RPL26L1: variants seen among roughly 807,000 people sequenced by gnomAD.
The protein encoded by RPL26L1 is ribosomal protein L26 like 1.
A neutral mutation model predicts 15.2 loss-of-function variants in RPL26L1; 8 were observed. That is an observed-to-expected ratio of 0.53 (90% CI 0.31 to 0.95). RPL26L1 has a LOEUF of 0.95. RPL26L1 is among the 40% of genes least tolerant of loss of function. The pLI is 0.05. For synonymous variants in RPL26L1, 51 were observed against 65.9 expected (o/e 0.77, Z 1.09); for missense variants, 146 against 190.9 (o/e 0.76, Z 1.39).
upstream of RPL26L1, chr5:172,957,415 A>C: frequency 5.4e-6 from 2 of 372,068 alleles, no homozygotes; most frequent in Non-Finnish European, 1.1e-5. Context: ...CTGTCTTTAC[A>C]TGGCTTTCCT....
At chr5:172,968,338 C>G (rs1755549326) in intron 2 of RPL26L1, 121 bp from the exon 3 acceptor site, 2 of 1,303,004 alleles carry the variant, frequency 1.5e-6, no homozygotes, top group African/African-American at 3.0e-5. Context: ...TTTTTGACTG[C>G]CAGGATTAAG....
intron 2 of RPL26L1, among the ~76,000 whole-genome samples, chr5:172,968,177 G>GTA (rs1036665277): frequency 1.2e-4 from 18 of 151,476 alleles, no homozygotes; most frequent in East Asian, 5.8e-4. Context: ...ACATATATAT[G>GTA]TATATATATA....
upstream of RPL26L1, chr5:172,954,667 A>G (rs779204516): frequency 3.8e-5 from 10 of 261,676 alleles, no homozygotes; most frequent in Admixed American, 9.2e-5. Context: ...ACAACTGAAG[A>G]TTTTTGGTTG....
At chr5:172,961,526 C>G (rs534177557) in intron 2 of RPL26L1, among the ~76,000 whole-genome samples, 4 of 152,330 alleles carry the variant, frequency 2.6e-5, no homozygotes, top group African/African-American at 9.6e-5. Context: ...ACACTTTGTT[C>G]TCTATTCATA....
At chr5:172,959,256 C>CGCAGGCCCTA, upstream of RPL26L1, 1 of 412,054 alleles carries the variant, frequency 2.4e-6, no homozygotes, top group Non-Finnish European at 3.3e-6. Flanking sequence ...AAGCCTCTAC[C>CGCAGGCCCTA]GCAGGCCCTA....
In RPL26L1 at chr5:172,965,656, C is replaced by A. The variant is rs1451523646; in HGVS notation, c.169-2803C>A. Among the ~76,000 whole-genome samples, 5 of 152,318 alleles carry A rather than the reference C, an allele frequency of 3.3e-5. No individual in the cohort carries two copies. The East Asian group carries it at 9.6e-4, about 29-fold the overall frequency. On this transcript the variant is annotated intron_variant, in intron 2 of 3. Transcript: ENST00000265100. The stretch of plus-strand genomic sequence containing the variant: ...TTTGACATTCTCTTGGCTGCTGTAA[C>A]ACCACACTTGCATGATTTCCCATTC...
At chr5:172,955,065 AG>A (rs1764326383), upstream of RPL26L1, 2 of 450,054 alleles carry the variant, frequency 4.4e-6, no homozygotes, top group South Asian at 1.6e-5. Flanking sequence ...ACCTGGGAAG[AG>A]GGGGTGAAAC....
chr5:172,963,609 ACCTTAAATGTCCGTT>A (rs1247688384), intron 2 of RPL26L1, among the ~76,000 whole-genome samples: 1 of 152,002 alleles, frequency 6.6e-6, no homozygotes, highest in African/African-American at 2.4e-5. Flanking sequence ...TTCGGGTCCT[ACCTTAAATGTCCGTT>A]CCTCAGAGAA....
chr5:172,967,655 C>G (rs1455355820), intron 2 of RPL26L1, among the ~76,000 whole-genome samples: 1 of 151,778 alleles, frequency 6.6e-6, no homozygotes, highest in Non-Finnish European at 1.5e-5. Context: ...AAAAATCAGT[C>G]ATCTGTAATC....
At position 172,969,514 on chromosome 5, in the gene RPL26L1, A is replaced by T. The variant is rs1416117244; in HGVS notation, c.411A>T (p.Glu137Asp). The T allele has an allele frequency of 6.2e-7, 1 of 1,613,332 alleles. No individual in the cohort carries two copies. The highest frequency in any genetic ancestry group is 1.3e-5 in the African/African-American group (1 of 74,906). The change falls in exon 4 of 4, where the codon GAA becomes GAT. Residue 137 changes from glutamate to aspartate, a missense_variant. Physicochemically the swap from Glu to Asp is conservative, Grantham distance 45. Coordinates refer to ENST00000265100, the MANE Select transcript of RPL26L1 (RefSeq NM_016093.4). ...GAAAAGAGAAAGGCAAATATAAAGA[A>T]GAACTTATTGAGAAAATGCAGGAAT... ...QVGKEKGKYK[E>D]ELIEKMQE
upstream of RPL26L1, chr5:172,958,579 C>T (rs992440418): frequency 5.5e-6 from 2 of 365,472 alleles, no homozygotes; most frequent in African/African-American, 2.1e-5. Flanking sequence ...CCTGCCGCCA[C>T]GGTGCCCACG....
chr5:172,963,375 A>C (rs1448058663), intron 2 of RPL26L1, among the ~76,000 whole-genome samples: 5 of 25,760 alleles, frequency 1.9e-4, no homozygotes, highest in Non-Finnish European at 1.2e-3. Context: ...CTCGGTCTCA[A>C]AAAAAAAAAA....
chr5:172,960,914 G>A (rs926324398), intron 2 of RPL26L1, among the ~76,000 whole-genome samples: 1 of 111,954 alleles, frequency 8.9e-6, no homozygotes, highest in African/African-American at 3.5e-5. Flanking sequence ...GTTGTGGGGG[G>A]TGGGGGGTGG....
At chr5:172,960,180 T>G (rs1490920634) in intron 2 of RPL26L1, 139 bp downstream of exon 2, 1 of 962,436 alleles carries the variant, frequency 1.0e-6, no homozygotes. Flanking sequence ...GAGATAGGGT[T>G]CAGAGCCACC....
At chr5:172,959,707 C>G (rs577812188) in intron 1 of RPL26L1, 158 bp from the exon 2 acceptor site, 1 of 1,092,678 alleles carries the variant, frequency 9.2e-7, no homozygotes. Context: ...ATGTGATAGT[C>G]AGACTAGTCG....
At chr5:172,966,422 A>G (rs1404237904) in intron 2 of RPL26L1, among the ~76,000 whole-genome samples, 1 of 135,866 alleles carries the variant, frequency 7.4e-6, no homozygotes, top group East Asian at 2.2e-4. Flanking sequence ...TGAGCTTCCT[A>G]AAGTACCAGG....
intron 2 of RPL26L1, among the ~76,000 whole-genome samples, chr5:172,966,334 T>TTTC (rs1755450807): frequency 1.5e-5 from 2 of 133,748 alleles, no homozygotes; most frequent in Non-Finnish European, 3.2e-5. Context: ...TTTTTTTTTT[T>TTTC]TTTTTTTTGT....
chr5:172,958,649 T>C (rs1344409098), upstream of RPL26L1: 5 of 287,038 alleles, frequency 1.7e-5, no homozygotes, highest in East Asian at 4.0e-4. Flanking sequence ...GGGGACCTTT[T>C]ACACCCAGGG....
upstream of RPL26L1, chr5:172,959,256 C>A: frequency 2.4e-6 from 1 of 412,050 alleles, no homozygotes; most frequent in Non-Finnish European, 3.3e-6. Flanking sequence ...AAGCCTCTAC[C>A]GCAGGCCCTA....
Sources: gnomAD v4.1 joint callset for allele counts (sites outside exome capture counted in the v4.1 genomes callset) on GRCh38, gnomAD v4.1.1 for gene constraint, MANE v1.5 for transcripts, NCBI Gene and HGNC (gene_info 2026-07-23, HGNC 2026-07-21) for gene names.